COL4A6: variants seen among roughly 807,000 people sequenced by gnomAD.
COL4A6 encodes the protein collagen alpha-6(IV) chain.
COL4A6 carries 59 observed loss-of-function variants against 126.7 expected under a neutral mutation model. The ratio of observed to expected loss-of-function variants is 0.47; its 90% CI spans 0.38 to 0.58. The LOEUF is 0.58. Among genes scored for constraint, COL4A6 ranks in the 20% least tolerant of loss-of-function variants. The probability of loss-of-function intolerance (pLI) is 0.00; values close to 1 mark genes in which losing one functional copy is unlikely to be tolerated. For synonymous variants in COL4A6, 547 were observed against 496.6 expected (o/e 1.10, Z -1.35); for missense variants, 1,285 against 1,337.3 (o/e 0.96, Z 0.61).
intron 2 of COL4A6, among the ~76,000 whole-genome samples, chrX:108,406,492 CT>C (rs935933986): frequency 8.9e-6 from 1 of 112,125 alleles, no homozygotes; most frequent in African/African-American, 3.2e-5. Flanking sequence ...CCTCCTTGAT[CT>C]GGTACCTGCC....
At position 108,369,386 on chromosome X, in the gene COL4A6, C is replaced by T. The variant is rs2040272830; in HGVS notation, c.64-58558G>A. On this transcript the variant is annotated intron_variant, in intron 2 of 44. Coordinates refer to ENST00000334504, the MANE Select transcript of COL4A6 (RefSeq NM_033641.4). ...AACCCAAATGTAAACCTGGACAGTT[C>T]AACCTACCATGAAATAATTTGTTGG... 2.7e-5 allele frequency among the ~76,000 whole-genome samples: 3 copies of T among 111,467 alleles called. No individual in the cohort carries two copies. In the South Asian group the frequency reaches 1.1e-3, roughly 43 times the overall value.
chrX:108,188,768 T>C (rs776968457), intron 20 of COL4A6, 91 bp from the exon 21 acceptor site: 4 of 878,678 alleles, frequency 4.6e-6, no homozygotes, highest in Non-Finnish European at 6.1e-6. Context: ...CTTGAACAAC[T>C]CCATAGAGGG....
intron 2 of COL4A6, among the ~76,000 whole-genome samples, chrX:108,342,937 G>C (rs2039602456): frequency 9.2e-6 from 1 of 108,867 alleles, no homozygotes; most frequent in Non-Finnish European, 1.9e-5. Flanking sequence ...AAAACAAGTG[G>C]GACATGAGTC....
chrX:108,239,431 A>G (rs149748013), intron 3 of COL4A6, among the ~76,000 whole-genome samples: 350 of 111,871 alleles, frequency 3.1e-3, no homozygotes, highest in African/African-American at 0.011. Context: ...TTTTCAGGTA[A>G]TCGAACCAAG....
chrX:108,277,632 G>C (rs752470179), intron 3 of COL4A6, among the ~76,000 whole-genome samples: 19 of 112,180 alleles, frequency 1.7e-4, no homozygotes, highest in African/African-American at 5.8e-4. Context: ...GCTTTGAAGA[G>C]AGCAGTGGTT....
At chrX:108,407,320 G>A (rs1222722247) in intron 2 of COL4A6, among the ~76,000 whole-genome samples, 2 of 111,940 alleles carry the variant, frequency 1.8e-5, no homozygotes, top group Non-Finnish European at 3.8e-5. Context: ...AGGAACTGAG[G>A]AACTCTTTAC....
At chrX:108,311,056 C>T (rs1302729671) in intron 2 of COL4A6, among the ~76,000 whole-genome samples, 2 of 112,097 alleles carry the variant, frequency 1.8e-5, no homozygotes. Context: ...TTGCTTTAGA[C>T]ACCTCCTCAC....
chrX:108,241,731 T>G (rs1396009473), intron 3 of COL4A6, among the ~76,000 whole-genome samples: 2 of 108,165 alleles, frequency 1.8e-5, no homozygotes, highest in East Asian at 5.8e-4. Context: ...TGCCAGATTA[T>G]TCTAATGGTC....
chrX:108,222,599 G>A (rs1000740794), intron 3 of COL4A6, among the ~76,000 whole-genome samples: 1 of 111,734 alleles, frequency 8.9e-6, no homozygotes. Flanking sequence ...TCAGGCCCAC[G>A]AAGACCTACG....
chrX:108,248,042 A>C (rs2036758584), intron 3 of COL4A6, among the ~76,000 whole-genome samples: 1 of 111,565 alleles, frequency 9.0e-6, no homozygotes, highest in Non-Finnish European at 1.9e-5. Flanking sequence ...TGGTCCCCAA[A>C]ATGTTTAACA....
chrX:108,159,461 C>A lies in COL4A6; in HGVS notation c.4812+1G>T. Reference sequence around the variant, plus strand: ...GGGGAGGAGACAGTGCAGGACCTTACCATGAGGAAAGAGTACCCAATCCAG... The same window carrying A: ...GGGGAGGAGACAGTGCAGGACCTTAACATGAGGAAAGAGTACCCAATCCAG... On this transcript the variant is annotated splice_donor_variant, in intron 44 of 44. Transcript: ENST00000334504. LOFTEE classifies it high-confidence loss of function. The A allele has an allele frequency of 8.3e-7, 1 of 1,211,946 alleles. No homozygotes were observed. The highest frequency in any genetic ancestry group is 1.1e-6 in the Non-Finnish European group (1 of 895,484).
At chrX:108,387,568 A>G (rs1233193165) in intron 2 of COL4A6, among the ~76,000 whole-genome samples, 3 of 112,043 alleles carry the variant, frequency 2.7e-5, no homozygotes, top group African/African-American at 9.7e-5. Context: ...TTGATTTTGT[A>G]TCCTGAGACT....
intron 27 of COL4A6, 143 bp from the exon 28 acceptor site, chrX:108,177,154 G>A (rs771050818): frequency 2.0e-6 from 1 of 500,844 alleles, no homozygotes; most frequent in African/African-American, 2.4e-5. Context: ...CATGCAAACT[G>A]CTAACAGGCA....
At chrX:108,333,217 A>G (rs915562310) in intron 2 of COL4A6, among the ~76,000 whole-genome samples, 4 of 111,601 alleles carry the variant, frequency 3.6e-5, no homozygotes, top group Non-Finnish European at 1.9e-5. Context: ...ACTATGCTAC[A>G]TCATGATCAA....
intron 2 of COL4A6, among the ~76,000 whole-genome samples, chrX:108,323,909 C>T (rs1027761350): frequency 1.4e-4 from 16 of 111,727 alleles, no homozygotes; most frequent in Admixed American, 1.3e-3. Flanking sequence ...TCCTCAGTTG[C>T]GCAATGCGTG....
chrX:108,216,167 T>A (rs1313978752), intron 5 of COL4A6, among the ~76,000 whole-genome samples: 1 of 112,315 alleles, frequency 8.9e-6, no homozygotes, highest in Non-Finnish European at 1.9e-5. Context: ...GAACTCCTGA[T>A]ATTTCCTACC....
intron 2 of COL4A6, among the ~76,000 whole-genome samples, chrX:108,338,059 T>A (rs1159297614): frequency 9.0e-6 from 1 of 111,123 alleles, no homozygotes; most frequent in Non-Finnish European, 1.9e-5. Context: ...TTCCTAACCC[T>A]GAGAACAAAA....
intron 2 of COL4A6, among the ~76,000 whole-genome samples, chrX:108,387,136 G>A (rs1169515638): frequency 1.8e-5 from 2 of 112,012 alleles, no homozygotes; most frequent in Non-Finnish European, 3.8e-5. Flanking sequence ...ATAGTTTGAA[G>A]TCAGGCAGCA....
intron 3 of COL4A6, among the ~76,000 whole-genome samples, chrX:108,284,719 T>C (rs180745961): frequency 8.9e-6 from 1 of 112,318 alleles, no homozygotes; most frequent in Admixed American, 9.4e-5. Context: ...CAATTTACAG[T>C]ATTAATAGTC....
Sources: gnomAD v4.1 joint callset for allele counts (sites outside exome capture counted in the v4.1 genomes callset) on GRCh38, gnomAD v4.1.1 for gene constraint, MANE v1.5 for transcripts, NCBI Gene and HGNC (gene_info 2026-07-23, HGNC 2026-07-21) for gene names.